Variants in POGZ observed in about 807,000 individuals in gnomAD.
POGZ encodes the protein pogo transposable element with ZNF domain.
POGZ carries 17 observed loss-of-function variants against 134.6 expected under a neutral mutation model. That is an observed-to-expected ratio of 0.13 (90% CI 0.09 to 0.19). The LOEUF (loss-of-function observed/expected upper bound fraction) is 0.19, where lower values mean the gene tolerates loss of function less well. POGZ is among the 10% of genes least tolerant of loss of function. The pLI is 1.00. For synonymous variants in POGZ, 693 were observed against 657.1 expected (o/e 1.05, Z -0.84); for missense variants, 1,306 against 1,769.7 (o/e 0.74, Z 4.70).
At position 151,405,829 on chromosome 1, in the gene POGZ, T is replaced by C; in HGVS notation, c.3206A>G (p.Tyr1069Cys). The change falls in exon 19 of 19, where the codon TAT becomes TGT. Residue 1069 changes from tyrosine to cysteine, a missense_variant. This residue lies in a region of POGZ where 24 missense variants were observed against 69.6 expected (regional missense o/e 0.34). Coordinates refer to ENST00000271715, the MANE Select transcript of POGZ (RefSeq NM_015100.4). The surrounding 1 kb of genome is among the most constrained non-coding windows in gnomAD (Gnocchi z 4.9). ...RSLEGGFKIS[Y>C]EWAVRFMLRH... ...CAGCATGAAACGCACAGCCCACTCA[T>C]AGGAGATCTTAAACCCCCCTTCCAA... is the stretch of plus-strand genomic sequence containing the variant. 1.2e-6 allele frequency: 2 copies of C among 1,614,158 alleles called. No individual in the cohort carries two copies. The highest frequency in any genetic ancestry group is 1.1e-5 in the South Asian group (1 of 91,090).
intron 1 of POGZ, among the ~76,000 whole-genome samples, chr1:151,451,399 T>C (rs1279682156): frequency 1.3e-5 from 2 of 151,906 alleles, no homozygotes; most frequent in Non-Finnish European, 2.9e-5. Flanking sequence ...CGATCTCAGC[T>C]CACTGCAACC....
chr1:151,453,342 C>G (rs1405952671), intron 1 of POGZ, among the ~76,000 whole-genome samples: 2 of 151,970 alleles, frequency 1.3e-5, no homozygotes, highest in African/African-American at 4.8e-5. Context: ...CCACCTATCT[C>G]TTTGGTATTT....
intron 1 of POGZ, among the ~76,000 whole-genome samples, chr1:151,443,557 A>C (rs1320618538): frequency 1.3e-5 from 2 of 152,062 alleles, no homozygotes; most frequent in East Asian, 3.9e-4. Flanking sequence ...TCTACTAAAA[A>C]CATAAAATTA....
intron 10 of POGZ, among the ~76,000 whole-genome samples, chr1:151,414,007 T>C (rs1237392812): frequency 6.6e-6 from 1 of 152,218 alleles, no homozygotes; most frequent in Non-Finnish European, 1.5e-5. Context: ...ATATTTATTC[T>C]CAAAGAGGTC....
At chr1:151,417,840 T>C (rs2102234013) in intron 10 of POGZ, among the ~76,000 whole-genome samples, 1 of 152,110 alleles carries the variant, frequency 6.6e-6, no homozygotes, top group Non-Finnish European at 1.5e-5. Context: ...TCCCCCAAAA[T>C]ATTAGCATGT....
intron 10 of POGZ, among the ~76,000 whole-genome samples, chr1:151,419,579 G>C (rs1202068657): frequency 7.1e-6 from 1 of 139,974 alleles, no homozygotes. Context: ...TGAGTTGGGA[G>C]GATCATCTTA....
At position 151,408,083 on chromosome 1, in the gene POGZ, G is replaced by T; in HGVS notation, c.2375+17C>A. On this transcript the variant is annotated intron_variant, in intron 15 of 18. Transcript: ENST00000271715. The stretch of plus-strand genomic sequence containing the variant: ...TCTGAACTCTCAAGCTAAAACACTG[G>T]TTAAAAACCAACTTACTTGATCATG... The T allele has an allele frequency of 1.3e-6, 2 of 1,588,264 alleles. No homozygotes were observed. The highest frequency in any genetic ancestry group is 1.7e-6 in the Non-Finnish European group (2 of 1,166,598).
intron 5 of POGZ, 80 bp from the exon 6 acceptor site, chr1:151,428,493 T>A: frequency 8.2e-7 from 1 of 1,219,650 alleles, no homozygotes; most frequent in Non-Finnish European, 1.2e-6. Flanking sequence ...ACTGGAAAGA[T>A]TATTTCCCCA....
chr1:151,419,843 G>A (rs1656581697), intron 10 of POGZ, among the ~76,000 whole-genome samples: 1 of 152,006 alleles, frequency 6.6e-6, no homozygotes, highest in African/African-American at 2.4e-5. Flanking sequence ...GGGAAACCAA[G>A]AGAAAAAAGA....
intron 5 of POGZ, 47 bp downstream of exon 5, chr1:151,429,556 T>C: frequency 2.1e-6 from 2 of 946,780 alleles, no homozygotes; most frequent in South Asian, 1.4e-5. Context: ...TAAAAACAAA[T>C]CTTCTGGATG....
intron 10 of POGZ, among the ~76,000 whole-genome samples, chr1:151,420,818 T>C (rs1656766437): frequency 6.6e-6 from 1 of 152,132 alleles, no homozygotes; most frequent in Non-Finnish European, 1.5e-5. Context: ...TGAGTTCATG[T>C]TGAAATATTT....
Position 151,403,738 on chromosome 1 carries a change from T to C in POGZ, c.*1064A>G. The C allele has an allele frequency of 1.0e-6, 1 of 985,772 alleles. No homozygotes were observed. Among genetic ancestry groups the C allele is most frequent in the African/African-American group, 1.7e-5 (1 of 57,362 alleles). 61.1% of individuals were successfully genotyped at this position (985,772 alleles called of 1,614,324 possible). ...ACAGAGCACGCTGGATTTCAACAAGTGGTCTTGTCTTTTTAAAGTTCAACA... is the reference window on the plus strand; with the variant it reads ...ACAGAGCACGCTGGATTTCAACAAGCGGTCTTGTCTTTTTAAAGTTCAACA... On this transcript the variant is annotated 3_prime_UTR_variant, in exon 19 of 19. Transcript: ENST00000271715.
intron 7 of POGZ, 193 bp from the exon 8 acceptor site, chr1:151,425,254 T>A (rs563939851): frequency 2.3e-6 from 1 of 440,126 alleles, no homozygotes; most frequent in Non-Finnish European, 4.3e-6. Flanking sequence ...CAGGCTGGAG[T>A]GCAGTGGCAC....
chr1:151,434,472 C>A (rs1285884501), intron 3 of POGZ, among the ~76,000 whole-genome samples: 1 of 152,128 alleles, frequency 6.6e-6, no homozygotes, highest in African/African-American at 2.4e-5. Flanking sequence ...CAAAGTGAGA[C>A]CCCATCTTGA....
intron 1 of POGZ, among the ~76,000 whole-genome samples, chr1:151,452,874 A>G (rs76526562): frequency 3.3e-5 from 5 of 151,684 alleles, no homozygotes; most frequent in South Asian, 4.2e-4. Flanking sequence ...AAAAAAAAAA[A>G]GTCACTCTGT....
chr1:151,419,741 G>A (rs1356864633), intron 10 of POGZ, among the ~76,000 whole-genome samples: 3 of 139,964 alleles, frequency 2.1e-5, no homozygotes, highest in Admixed American at 7.3e-5. Context: ...AGGAAATTAC[G>A]AAAGACTGCA....
chr1:151,413,283 TA>T (rs898737034), intron 10 of POGZ, among the ~76,000 whole-genome samples: 11 of 151,592 alleles, frequency 7.3e-5, no homozygotes, highest in Non-Finnish European at 1.3e-4. Context: ...CCCAAGTAAT[TA>T]AAAAAAATTT....
chr1:151,443,768 G>T (rs1376590801), intron 1 of POGZ, among the ~76,000 whole-genome samples: 1 of 152,128 alleles, frequency 6.6e-6, no homozygotes, highest in African/African-American at 2.4e-5. Flanking sequence ...TCTCTGCATT[G>T]CAAACAAAGA....
At position 151,428,220 on chromosome 1, in the gene POGZ, G is replaced by A; in HGVS notation, c.762C>T (p.Ser254=). The A allele has an allele frequency of 1.1e-5, 17 of 1,614,006 alleles. No individual in the cohort carries two copies. Among genetic ancestry groups the A allele is most frequent in the Non-Finnish European group, 1.4e-5 (17 of 1,179,872 alleles). ...GTGTGGCAGTGGGAGTGGTAGAAGTGCTGGGAGTGGACTTGGTCTGCTGGG... is the reference window on the plus strand; with the variant it reads ...GTGTGGCAGTGGGAGTGGTAGAAGTACTGGGAGTGGACTTGGTCTGCTGGG... ...SQSQQTKSTP[S]TSTTPTATQP... Residue 254 remains serine, a synonymous_variant, in exon 6 of 19, where the codon AGC becomes AGT. Coordinates refer to ENST00000271715, the MANE Select transcript of POGZ (RefSeq NM_015100.4).
Sources: gnomAD v4.1 joint callset for allele counts (sites outside exome capture counted in the v4.1 genomes callset) on GRCh38, gnomAD v4.1.1 for gene constraint, gnomAD v4.1.1 regional missense constraint, Gnocchi (gnomAD v3.1) non-coding constraint, MANE v1.5 for transcripts, NCBI Gene and HGNC (gene_info 2026-07-23, HGNC 2026-07-21) for gene names.